Variants in TPCN2 observed in about 807,000 individuals in gnomAD.
TPCN2 encodes two pore segment channel 2.
TPCN2 carries 92 observed loss-of-function variants against 111.4 expected under a neutral mutation model. The ratio of observed to expected loss-of-function variants is 0.83; its 90% CI spans 0.70 to 0.98. The LOEUF is 0.98. Ranked by LOEUF, TPCN2 falls within the 50% of genes least tolerant of loss-of-function variation. The pLI is 0.00. For synonymous variants in TPCN2, 405 were observed against 414.5 expected (o/e 0.98, Z 0.28); for missense variants, 995 against 980.1 (o/e 1.02, Z -0.20).
chr11:69,077,100 T>C (rs1855811004), intron 13 of TPCN2, among the ~76,000 whole-genome samples: 1 of 92,930 alleles, frequency 1.1e-5, no homozygotes, highest in South Asian at 3.6e-4. Flanking sequence ...GCCATGTCCC[T>C]CCACTTGCCC....
chr11:69,076,383 T>TC (rs1855750978), intron 13 of TPCN2, among the ~76,000 whole-genome samples: 1 of 152,140 alleles, frequency 6.6e-6, no homozygotes, highest in African/African-American at 2.4e-5. Context: ...GGCACTGGTT[T>TC]CCACATTGAG....
intron 1 of TPCN2, among the ~76,000 whole-genome samples, chr11:69,052,369 G>A (rs1565077795): frequency 2.0e-5 from 3 of 152,146 alleles, no homozygotes; most frequent in Admixed American, 6.5e-5. Context: ...TTTGAGTCCT[G>A]TGTGCTTGAC....
intron 7 of TPCN2, among the ~76,000 whole-genome samples, chr11:69,066,158 C>A (rs1855264050): frequency 6.6e-6 from 1 of 152,094 alleles, no homozygotes; most frequent in Non-Finnish European, 1.5e-5. Flanking sequence ...CGGTGGGTTG[C>A]TTTACATTTG....
chr11:69,081,327 C>G (rs1448518592), intron 17 of TPCN2, 73 bp from the exon 18 acceptor site: 1 of 1,026,920 alleles, frequency 9.7e-7, no homozygotes. Context: ...GTCCAGGAAC[C>G]CGCGCGTTTC....
Position 69,072,614 on chromosome 11 carries a change from T to G in TPCN2, c.1062-13T>G, listed in dbSNP as rs759973539. Reference sequence around the variant, plus strand: ...CTGGCTGTGCTCACCGGGCTGTGGGTTTTTCCCTGCAGAGTTGGGGTGAAG... The same window carrying G: ...CTGGCTGTGCTCACCGGGCTGTGGGGTTTTCCCTGCAGAGTTGGGGTGAAG... On this transcript the variant is annotated splice_polypyrimidine_tract_variant and intron_variant, in intron 11 of 24. Transcript: ENST00000294309. The G allele has an allele frequency of 2.5e-6, 4 of 1,612,724 alleles. No individual in the cohort carries two copies. Among genetic ancestry groups the G allele is most frequent in the South Asian group, 1.1e-5 (1 of 90,994 alleles).
In TPCN2 at chr11:69,079,610, C is replaced by G. The variant is rs1458405812; in HGVS notation, c.1540-224C>G. ...TATCTTCTCTGCCACCTCTGCCACC[C>G]CAATCTGTGCAGTCCCCCGATTCCT... On this transcript the variant is annotated intron_variant, in intron 16 of 24. Coordinates refer to ENST00000294309, the MANE Select transcript of TPCN2 (RefSeq NM_139075.4). 9 of 522,264 alleles carry G rather than the reference C, an allele frequency of 1.7e-5. No individual in the cohort carries two copies. The Admixed American group carries it at 1.7e-4, about 10-fold the overall frequency. The allele number at this position is 522,264 out of a possible 1,614,324, so 32.4% of individuals were successfully genotyped here.
Position 69,087,811 on chromosome 11 carries a change from T to C in TPCN2, c.2181-64T>C, listed in dbSNP as rs866004841. The C allele has an allele frequency of 1.5e-5, 20 of 1,378,526 alleles. No homozygotes were observed. The Middle Eastern group carries it at 2.5e-3, about 171-fold the overall frequency. 85.4% of individuals were successfully genotyped at this position (1,378,526 alleles called of 1,614,324 possible). ...TTGCTAAGCTCTGCTCCCTTGTTCTTGTGGGCAGGCCAGGGTCTCCCTCCT... is the reference window on the plus strand; with the variant it reads ...TTGCTAAGCTCTGCTCCCTTGTTCTCGTGGGCAGGCCAGGGTCTCCCTCCT... On this transcript the variant is annotated intron_variant, in intron 24 of 24. Transcript: ENST00000294309.
intron 2 of TPCN2, chr11:69,054,431 C>T (rs1030860903): frequency 1.1e-5 from 6 of 560,316 alleles, no homozygotes; most frequent in African/African-American, 7.5e-5. Flanking sequence ...GAGAGAGCCT[C>T]GCAGGCAGAC....
At chr11:69,082,824 G>C in intron 18 of TPCN2, among the ~76,000 whole-genome samples, 1 of 118,534 alleles carries the variant, frequency 8.4e-6, no homozygotes, top group Admixed American at 8.0e-5. Context: ...ATGATCGTGT[G>C]TGCACACATC....
chr11:69,055,157 T>C lies in TPCN2; in HGVS notation c.252-18T>C. ...GGCTGCTGGCTCCTGTGTTTTCATG[T>C]TTCTGTCCCCTTTCCAGGACTTTGA... On this transcript the variant is annotated intron_variant, in intron 3 of 24. Coordinates refer to ENST00000294309, the MANE Select transcript of TPCN2 (RefSeq NM_139075.4). 1 of 1,611,948 alleles carries C rather than the reference T, an allele frequency of 6.2e-7. No individual in the cohort carries two copies. The highest frequency in any genetic ancestry group is 8.5e-7 in the Non-Finnish European group (1 of 1,178,916).
Position 69,072,619 on chromosome 11 carries a change from C to G in TPCN2, c.1062-8C>G. ...TGTGCTCACCGGGCTGTGGGTTTTT[C>G]CCTGCAGAGTTGGGGTGAAGCCCCA... is the stretch of plus-strand genomic sequence containing the variant. On this transcript the variant is annotated splice_region_variant and splice_polypyrimidine_tract_variant and intron_variant, in intron 11 of 24. Coordinates refer to ENST00000294309, the MANE Select transcript of TPCN2 (RefSeq NM_139075.4). The G allele has an allele frequency of 1.9e-6, 3 of 1,613,774 alleles. No individual in the cohort carries two copies. Among genetic ancestry groups the G allele is most frequent in the East Asian group, 4.5e-5 (2 of 44,868 alleles).
intron 16 of TPCN2, 110 bp downstream of exon 16, chr11:69,079,130 A>G: frequency 7.1e-7 from 1 of 1,407,616 alleles, no homozygotes; most frequent in Non-Finnish European, 9.5e-7. Context: ...GGCTGTAGGA[A>G]GGTGGGCTTC....
At position 69,049,098 on chromosome 11, in the gene TPCN2, T is replaced by A. The variant is rs1320012779; in HGVS notation, c.101T>A (p.Val34Asp). The change falls in exon 1 of 25, where the codon GTC becomes GAC. Residue 34 changes from valine to aspartate, a missense_variant. Coordinates refer to ENST00000294309, the MANE Select transcript of TPCN2 (RefSeq NM_139075.4). Reference sequence around the variant, plus strand: ...CTGACCACTTACCGCAGCATCCAAGTCGGCCCTGGTGAGCCGCCCGGACCT... The same window carrying A: ...CTGACCACTTACCGCAGCATCCAAGACGGCCCTGGTGAGCCGCCCGGACCT... ...AGLTTYRSIQ[V>D]GPGAAARWDL... is the part of the protein sequence containing the mutation. The A allele has an allele frequency of 8.1e-7, 1 of 1,241,498 alleles. No homozygotes were observed. Among genetic ancestry groups the A allele is most frequent in the East Asian group, 3.2e-5 (1 of 31,664 alleles). 76.9% of individuals were successfully genotyped at this position (1,241,498 alleles called of 1,614,324 possible).
At chr11:69,085,552 G>C (rs1856235709) in intron 20 of TPCN2, 119 bp from the exon 21 acceptor site, 1 of 777,024 alleles carries the variant, frequency 1.3e-6, no homozygotes, top group Non-Finnish European at 2.2e-6. Context: ...CTGAGCCTCT[G>C]TATCCCAATT....
rs1291782483 is a variant in TPCN2, at chr11:69,067,533, A to T, written c.757A>T (p.Thr253Ser). Residue 253 changes from threonine (T) to serine (S), a missense_variant, in exon 8 of 25, where the codon ACC becomes TCC. Transcript: ENST00000294309. ...QDDGQDRERL[T>S]YFQNLPESLT... ...TGATGGGCAGGACAGGGAGAGGCTG[A>T]CCTACTTCCAGAACCTGCCTGAGTC... 3 of 1,613,914 alleles carry T rather than the reference A, an allele frequency of 1.9e-6. No homozygotes were observed. Among genetic ancestry groups the T allele is most frequent in the Non-Finnish European group, 2.5e-6 (3 of 1,179,994 alleles).
chr11:69,085,975 G>T, intron 22 of TPCN2, 45 bp downstream of exon 22: 1 of 1,579,770 alleles, frequency 6.3e-7, no homozygotes. Context: ...CGTGCAGCCT[G>T]GGGGTTCCCT....
At chr11:69,070,617 C>T in intron 9 of TPCN2, 122 bp downstream of exon 9, 2 of 717,028 alleles carry the variant, frequency 2.8e-6, no homozygotes, top group South Asian at 3.7e-5. Flanking sequence ...AGAGATCACC[C>T]CAGGGATCCC....
chr11:69,080,014 A>G lies in TPCN2; in HGVS notation c.1589+131A>G, dbSNP rs1590746084. On this transcript the variant is annotated intron_variant, in intron 17 of 24. Coordinates refer to ENST00000294309, the MANE Select transcript of TPCN2 (RefSeq NM_139075.4). ...CTAGGGCAGACCCCGTGATGGTGGA[A>G]TGGGTGGGCCGATCCCACAGCAGAG... 1.2e-5 allele frequency: 10 copies of G among 800,098 alleles called. No individual in the cohort carries two copies. In the East Asian group the frequency reaches 2.6e-4, roughly 21 times the overall value. The allele number at this position is 800,098 out of a possible 1,614,324, so 49.6% of individuals were successfully genotyped here.
At chr11:69,054,609 C>G in intron 2 of TPCN2, 112 bp from the exon 3 acceptor site, 1 of 1,012,968 alleles carries the variant, frequency 9.9e-7, no homozygotes, top group Non-Finnish European at 1.5e-6. Context: ...TGAAGCGTCC[C>G]CTGTGATCCA....
Sources: gnomAD v4.1 joint callset for allele counts (sites outside exome capture counted in the v4.1 genomes callset) on GRCh38, gnomAD v4.1.1 for gene constraint, MANE v1.5 for transcripts, NCBI Gene and HGNC (gene_info 2026-07-23, HGNC 2026-07-21) for gene names.